The following PTPRD variants were observed in gnomAD, a reference collection of about 807,000 sequenced individuals.
PTPRD encodes protein tyrosine phosphatase receptor type D.
In PTPRD, 34 loss-of-function variants were observed where a neutral mutation model predicts 214.5. The ratio of observed to expected loss-of-function variants is 0.16; its 90% CI spans 0.12 to 0.21. PTPRD has a LOEUF of 0.21. Ranked by LOEUF, PTPRD falls within the 10% of genes least tolerant of loss-of-function variation. PTPRD has a pLI of 1.00. For synonymous variants in PTPRD, 1,128 were observed against 845.7 expected (o/e 1.33, Z -5.79); for missense variants, 2,545 against 2,398.7 (o/e 1.06, Z -1.27).
intron 2 of PTPRD, among the ~76,000 whole-genome samples, chr9:10,344,146 G>T (rs1597598921): frequency 6.6e-6 from 1 of 151,568 alleles, no homozygotes; most frequent in East Asian, 1.9e-4. Flanking sequence ...TTCTTCTAGG[G>T]TTTTTATGGT....
chr9:10,326,924 T>C (rs1344853193), intron 3 of PTPRD, among the ~76,000 whole-genome samples: 1 of 151,466 alleles, frequency 6.6e-6, no homozygotes, highest in Admixed American at 6.6e-5. Flanking sequence ...TGGAATACAA[T>C]AGAACTATGA....
intron 9 of PTPRD, among the ~76,000 whole-genome samples, chr9:9,331,466 G>C (rs2042293303): frequency 6.6e-6 from 1 of 152,020 alleles, no homozygotes; most frequent in Non-Finnish European, 1.5e-5. Context: ...ATTGAAACTG[G>C]AGGAGGAGAG....
At chr9:9,448,342 G>C (rs1249003581) in intron 8 of PTPRD, among the ~76,000 whole-genome samples, 1 of 152,002 alleles carries the variant, frequency 6.6e-6, no homozygotes, top group Non-Finnish European at 1.5e-5. Flanking sequence ...GAGGGTGAGA[G>C]GTGATTGGAT....
At chr9:10,096,875 C>T (rs1291831863) in intron 3 of PTPRD, among the ~76,000 whole-genome samples, 1 of 151,924 alleles carries the variant, frequency 6.6e-6, no homozygotes, top group Non-Finnish European at 1.5e-5. Flanking sequence ...GCTTTTAGGT[C>T]TAACACTGAA....
chr9:8,649,260 C>T (rs551541374), intron 12 of PTPRD, among the ~76,000 whole-genome samples: 7 of 152,354 alleles, frequency 4.6e-5, no homozygotes, highest in Non-Finnish European at 1.5e-5. Flanking sequence ...AAGAGAAGAT[C>T]TGCTGGTGTC....
intron 5 of PTPRD, among the ~76,000 whole-genome samples, chr9:9,820,824 T>A (rs1273743324): frequency 6.6e-6 from 1 of 152,138 alleles, no homozygotes; most frequent in Non-Finnish European, 1.5e-5. Context: ...GGTTCTCTAT[T>A]CTGTTCCATT....
intron 11 of PTPRD, among the ~76,000 whole-genome samples, chr9:8,849,659 A>G (rs1333975887): frequency 6.6e-6 from 1 of 152,226 alleles, no homozygotes; most frequent in Non-Finnish European, 1.5e-5. Context: ...TTCCAGGAAC[A>G]GTATTGGTAG....
intron 5 of PTPRD, among the ~76,000 whole-genome samples, chr9:9,796,744 A>T (rs1484734245): frequency 1.3e-5 from 2 of 152,202 alleles, no homozygotes; most frequent in African/African-American, 2.4e-5. Flanking sequence ...AAAATAGCAA[A>T]GTCTTCAGGA....
At chr9:9,551,645 A>C (rs1022346943) in intron 8 of PTPRD, among the ~76,000 whole-genome samples, 12 of 151,964 alleles carry the variant, frequency 7.9e-5, no homozygotes, top group African/African-American at 2.9e-4. Context: ...TTCTTCTTTC[A>C]TCAAGCCTTC....
intron 8 of PTPRD, among the ~76,000 whole-genome samples, chr9:9,511,615 A>G (rs1022084013): frequency 2.0e-5 from 3 of 151,792 alleles, no homozygotes; most frequent in Admixed American, 6.6e-5. Context: ...TCAACATCAT[A>G]TCTCTTGCAT....
rs189134634 is a variant in PTPRD at position 8,927,962 on chromosome 9, T to A, written c.-104+90735A>T. On this transcript the variant is annotated intron_variant, in intron 11 of 45. Transcript: ENST00000381196. ...TTTGCATTTCTCTAATGACCAGTGA[T>A]GATGAGCTTTTTTTCATATTTGTTG... Among the ~76,000 whole-genome samples the A allele has an allele frequency of 5.9e-3, 900 of 152,350 alleles. 2 individuals are homozygous for A. The highest frequency in any genetic ancestry group is 9.2e-3 in the Non-Finnish European group (624 of 68,022).
chr9:8,593,121 T>C (rs545126675), intron 14 of PTPRD, among the ~76,000 whole-genome samples: 3 of 152,280 alleles, frequency 2.0e-5, no homozygotes, highest in African/African-American at 7.2e-5. Flanking sequence ...AGGACTTCTT[T>C]GGAAAGTCAT....
chr9:8,633,529 C>A (rs1266400088), intron 13 of PTPRD, 71 bp from the exon 14 acceptor site: 5 of 1,544,806 alleles, frequency 3.2e-6, no homozygotes, highest in Non-Finnish European at 4.4e-6. Context: ...GCTCTCAATA[C>A]AGTGGTGGAT....
In PTPRD at chr9:9,873,131, T is replaced by C. The variant is rs752806025; in HGVS notation, c.-368+65376A>G. On this transcript the variant is annotated intron_variant, in intron 5 of 45. Transcript: ENST00000381196. Reference sequence around the variant, plus strand: ...GCACATTTCACTGAATCTCCTACCATAGTGAAGGAAGATCCGACGAAGAAA... The same window carrying C: ...GCACATTTCACTGAATCTCCTACCACAGTGAAGGAAGATCCGACGAAGAAA... Among the ~76,000 whole-genome samples, 25 of 152,096 alleles carry C rather than the reference T, an allele frequency of 1.6e-4. 1 individual carries two copies. Among genetic ancestry groups the C allele is most frequent in the Non-Finnish European group, 5.9e-5 (4 of 68,020 alleles).
intron 3 of PTPRD, among the ~76,000 whole-genome samples, chr9:10,076,469 C>G (rs1258401364): frequency 6.6e-6 from 1 of 152,110 alleles, no homozygotes; most frequent in Non-Finnish European, 1.5e-5. Flanking sequence ...TGCATCTGTA[C>G]TGGGAGGACC....
At chr9:9,697,979 C>G (rs2054458515) in intron 7 of PTPRD, among the ~76,000 whole-genome samples, 1 of 152,110 alleles carries the variant, frequency 6.6e-6, no homozygotes, top group African/African-American at 2.4e-5. Flanking sequence ...TTTCTCAGCT[C>G]CAGGAATTCT....
intron 36 of PTPRD, among the ~76,000 whole-genome samples, chr9:8,394,895 C>T (rs368626506): frequency 2.0e-5 from 3 of 151,966 alleles, no homozygotes; most frequent in African/African-American, 7.3e-5. Context: ...AGTAGTGGTA[C>T]TAGGTGGTCT....
intron 3 of PTPRD, among the ~76,000 whole-genome samples, chr9:10,306,244 G>C (rs2096063494): frequency 6.6e-6 from 1 of 150,710 alleles, no homozygotes; most frequent in African/African-American, 2.5e-5. Flanking sequence ...GACACAGGGA[G>C]GGGAACATCA....
rs369151795 is a variant in PTPRD, at chr9:8,722,240, G to C, written c.64+11540C>G. Among the ~76,000 whole-genome samples the C allele has an allele frequency of 5.5e-4, 84 of 151,902 alleles. No individual in the cohort carries two copies. The South Asian group carries it at 9.4e-3, about 17-fold the overall frequency. ...TCAGGATCTCATTTAAACTTCACAG[G>C]AGCCTGTGAGAGCTGTGAGCATTGC... On this transcript the variant is annotated intron_variant, in intron 12 of 45. Transcript: ENST00000381196.
Sources: gnomAD v4.1 joint callset for allele counts (sites outside exome capture counted in the v4.1 genomes callset) on GRCh38, gnomAD v4.1.1 for gene constraint, MANE v1.5 for transcripts, NCBI Gene and HGNC (gene_info 2026-07-23, HGNC 2026-07-21) for gene names.